The following ATF1 variants were observed in gnomAD, a reference collection of about 807,000 sequenced individuals.
ATF1 encodes cyclic AMP-dependent transcription factor ATF-1.
A neutral mutation model predicts 34.7 loss-of-function variants in ATF1; 16 were observed. That is an observed-to-expected ratio of 0.46 (90% CI 0.31 to 0.70). The LOEUF (loss-of-function observed/expected upper bound fraction) is 0.70, where lower values mean the gene tolerates loss of function less well. Among genes scored for constraint, ATF1 ranks in the 30% least tolerant of loss-of-function variants. The pLI is 0.05. For synonymous variants in ATF1, 105 were observed against 113.1 expected (o/e 0.93, Z 0.46); for missense variants, 255 against 321.6 (o/e 0.79, Z 1.58).
At chr12:50,816,947 C>T (rs1941855659) in intron 6 of ATF1, among the ~76,000 whole-genome samples, 1 of 152,140 alleles carries the variant, frequency 6.6e-6, no homozygotes, top group African/African-American at 2.4e-5. Flanking sequence ...AAGAAATACA[C>T]ATTAATGCTA....
chr12:50,766,333 G>GAGTCCCTCTCAGGTA (rs1476413333), intron 1 of ATF1, among the ~76,000 whole-genome samples: 2 of 152,188 alleles, frequency 1.3e-5, no homozygotes, highest in African/African-American at 4.8e-5. Context: ...TAGGGAGTTA[G>GAGTCCCTCTCAGGTA]AGTCCCTCTC....
chr12:50,788,474 C>T (rs1941233872), intron 2 of ATF1: 1 of 228,420 alleles, frequency 4.4e-6, no homozygotes, highest in Non-Finnish European at 8.9e-6. Context: ...GCGTGAGCCA[C>T]TGCACCTGGC....
At chr12:50,777,016 C>T (rs1380104889) in intron 1 of ATF1, among the ~76,000 whole-genome samples, 1 of 152,072 alleles carries the variant, frequency 6.6e-6, no homozygotes, top group East Asian at 1.9e-4. Flanking sequence ...CCATACCCAG[C>T]TGATTTTTTG....
chr12:50,793,219 G>T (rs773208138), intron 2 of ATF1, among the ~76,000 whole-genome samples: 4 of 152,044 alleles, frequency 2.6e-5, no homozygotes, highest in Non-Finnish European at 4.4e-5. Flanking sequence ...ATAAATTTTT[G>T]ATTTTAATTA....
At chr12:50,809,395 ATT>A (rs777794727) in intron 3 of ATF1, 59 bp from the exon 4 acceptor site, 218,212 of 1,171,912 alleles carry the variant, frequency 0.19, 12,670 homozygotes, top group Non-Finnish European at 0.21. Flanking sequence ...AAAAAAAAAA[ATT>A]ATTTTTGTGA....
At chr12:50,770,168 TA>T (rs1940736752) in intron 1 of ATF1, among the ~76,000 whole-genome samples, 1 of 152,352 alleles carries the variant, frequency 6.6e-6, no homozygotes, top group African/African-American at 2.4e-5. Context: ...TGAGTATTCT[TA>T]ACTTATGGCA....
At chr12:50,790,413 C>T (rs1022249301) in intron 2 of ATF1, among the ~76,000 whole-genome samples, 1 of 151,930 alleles carries the variant, frequency 6.6e-6, no homozygotes. Context: ...CCTATGTTGC[C>T]CAGGCTGGTC....
intron 1 of ATF1, among the ~76,000 whole-genome samples, chr12:50,778,445 G>A (rs997506271): frequency 3.3e-5 from 5 of 151,134 alleles, no homozygotes; most frequent in Admixed American, 6.6e-5. Context: ...GGATGGTCTC[G>A]ATCTCTTGAC....
At chr12:50,818,285 A>C (rs1941882979) in intron 6 of ATF1, among the ~76,000 whole-genome samples, 1 of 152,026 alleles carries the variant, frequency 6.6e-6, no homozygotes, top group South Asian at 2.1e-4. Flanking sequence ...GGTGGTGTAC[A>C]CCTGTAGTCC....
chr12:50,800,146 A>G (rs1321779327), intron 3 of ATF1, among the ~76,000 whole-genome samples: 1 of 152,246 alleles, frequency 6.6e-6, no homozygotes, highest in East Asian at 1.9e-4. Flanking sequence ...AACATTGTGA[A>G]TGACTACAGA....
intron 1 of ATF1, among the ~76,000 whole-genome samples, chr12:50,777,003 A>G (rs1326197872): frequency 6.6e-6 from 1 of 151,924 alleles, no homozygotes; most frequent in Middle Eastern, 3.2e-3. Context: ...CAGGCATGCG[A>G]CACCATACCC....
intron 3 of ATF1, among the ~76,000 whole-genome samples, chr12:50,798,309 G>C (rs1941448624): frequency 6.6e-6 from 1 of 151,592 alleles, no homozygotes; most frequent in Non-Finnish European, 1.5e-5. Flanking sequence ...GTAGTTTCAT[G>C]GTTGTTGTTT....
At chr12:50,814,580 G>A (rs902587079) in intron 6 of ATF1, 141 bp downstream of exon 6, 43 of 960,054 alleles carry the variant, frequency 4.5e-5, no homozygotes, top group Admixed American at 2.9e-4. Context: ...AATGAATGAC[G>A]GTGGTCCCAT....
At chr12:50,810,375 G>A (rs1023421995) in intron 4 of ATF1, among the ~76,000 whole-genome samples, 2 of 151,260 alleles carry the variant, frequency 1.3e-5, no homozygotes, top group African/African-American at 2.4e-5. Flanking sequence ...GTACCACTTC[G>A]CTTGGCTAAT....
intron 3 of ATF1, among the ~76,000 whole-genome samples, chr12:50,798,766 C>G (rs1051783450): frequency 1.3e-5 from 2 of 152,072 alleles, no homozygotes; most frequent in Non-Finnish European, 2.9e-5. Flanking sequence ...ACATAAACCA[C>G]GTAAGTGAGA....
intron 2 of ATF1, among the ~76,000 whole-genome samples, chr12:50,789,216 C>T (rs894645873): frequency 3.3e-5 from 5 of 151,890 alleles, no homozygotes; most frequent in Non-Finnish European, 7.4e-5. Context: ...TACAGGCGTG[C>T]GCCACCATGC....
intron 2 of ATF1, among the ~76,000 whole-genome samples, chr12:50,790,515 A>G (rs1941279837): frequency 6.6e-6 from 1 of 151,954 alleles, no homozygotes; most frequent in African/African-American, 2.4e-5. Context: ...TTATTCTTCA[A>G]TTTCTCTATG....
chr12:50,765,310 A>G (rs1475637716), intron 1 of ATF1, among the ~76,000 whole-genome samples: 1 of 152,138 alleles, frequency 6.6e-6, no homozygotes, highest in African/African-American at 2.4e-5. Context: ...GGAGTTTATC[A>G]TATGCAGTTA....
intron 1 of ATF1, among the ~76,000 whole-genome samples, chr12:50,772,276 C>G (rs1378028655): frequency 6.6e-6 from 1 of 150,632 alleles, no homozygotes; most frequent in Non-Finnish European, 1.5e-5. Flanking sequence ...TCGCACTTGG[C>G]TATATTTTTG....
Sources: gnomAD v4.1 joint callset for allele counts (sites outside exome capture counted in the v4.1 genomes callset) on GRCh38, gnomAD v4.1.1 for gene constraint, MANE v1.5 for transcripts, NCBI Gene and HGNC (gene_info 2026-07-23, HGNC 2026-07-21) for gene names.